ERH: variants seen among roughly 807,000 people sequenced by gnomAD.
ERH encodes enhancer of rudimentary homolog.
Under a neutral mutation model 16.8 loss-of-function variants are expected in ERH, and 1 was observed. The ratio of observed to expected loss-of-function variants is 0.06; its 90% confidence interval spans 0.02 to 0.28. The LOEUF is 0.28. Ranked by LOEUF, ERH falls within the 10% of genes least tolerant of loss-of-function variation. ERH has a pLI of 1.00. For synonymous variants in ERH, 43 were observed against 43.6 expected (o/e 0.99, Z 0.05); for missense variants, 42 against 127.5 (o/e 0.33, Z 3.23).
intron 2 of ERH, among the ~76,000 whole-genome samples, chr14:69,387,888 T>C (rs2045901841): frequency 6.6e-6 from 1 of 151,388 alleles, no homozygotes; most frequent in African/African-American, 2.4e-5. Flanking sequence ...ACTAAAAAAA[T>C]ACAAAAAATT....
chr14:69,397,805 C>A (rs556764824), intron 1 of ERH, among the ~76,000 whole-genome samples: 1 of 152,286 alleles, frequency 6.6e-6, no homozygotes, highest in Non-Finnish European at 1.5e-5. Flanking sequence ...GTAATCCCAG[C>A]TACTAGGGAG....
Position 69,380,476 on chromosome 14 carries a change from C to T in ERH, c.*62G>A, listed in dbSNP as rs1236142793. On this transcript the variant is annotated 3_prime_UTR_variant, in exon 4 of 4. Coordinates refer to ENST00000557016, the MANE Select transcript of ERH (RefSeq NM_004450.3). ...TTACTATGATACAAAACTTCCACTA[C>T]AGCACGCTGTACACACCTGTGTTCC... 1.9e-5 allele frequency: 17 copies of T among 908,830 alleles called. No individual in the cohort carries two copies. The East Asian group carries it at 3.9e-4, about 21-fold the overall frequency. The allele number at this position is 908,830 out of a possible 1,614,324, so 56.3% of individuals were successfully genotyped here.
At chr14:69,394,611 T>TAAAC (rs3047542) in intron 2 of ERH, among the ~76,000 whole-genome samples, 68,467 of 151,744 alleles carry the variant, frequency 0.45, 15,604 homozygotes, top group Middle Eastern at 0.59. Flanking sequence ...AATACATAAA[T>TAAAC]AAACAAACAA....
chr14:69,396,775 A>G (rs868406851), intron 1 of ERH, among the ~76,000 whole-genome samples: 21 of 152,366 alleles, frequency 1.4e-4, no homozygotes, highest in Middle Eastern at 3.4e-3. Context: ...ACGAAGGATT[A>G]ACTCTCACCT....
intron 2 of ERH, among the ~76,000 whole-genome samples, chr14:69,389,322 C>T (rs900084675): frequency 6.6e-6 from 1 of 152,164 alleles, no homozygotes; most frequent in South Asian, 2.1e-4. Context: ...CCACCATGCC[C>T]GGCCTCCATT....
rs192880678 is a variant in ERH, at chr14:69,387,971, G to A, written c.92-888C>T. Among the ~76,000 whole-genome samples the A allele has an allele frequency of 1.2e-3, 177 of 152,302 alleles. 2 individuals are homozygous for A. The highest frequency in any genetic ancestry group is 3.8e-3 in the African/African-American group (160 of 41,578). ...TGAAGCAGGAGAATGGCATGAACCT[G>A]GGAGGTGGAGATTGCAGTGAGCCGA... On this transcript the variant is annotated intron_variant, in intron 2 of 3. Coordinates refer to ENST00000557016, the MANE Select transcript of ERH (RefSeq NM_004450.3).
chr14:69,390,709 A>C (rs1169445287), intron 2 of ERH, among the ~76,000 whole-genome samples: 1 of 152,264 alleles, frequency 6.6e-6, no homozygotes, highest in African/African-American at 2.4e-5. Context: ...GCTCCAAAAG[A>C]CACTATTAAG....
intron 2 of ERH, among the ~76,000 whole-genome samples, chr14:69,389,067 C>A (rs754279703): frequency 1.1e-4 from 17 of 152,198 alleles, no homozygotes; most frequent in Admixed American, 2.0e-4. Context: ...GTTGCCCAGG[C>A]TGGAGTGCAT....
intron 2 of ERH, among the ~76,000 whole-genome samples, chr14:69,388,382 T>A (rs994559719): frequency 6.6e-6 from 1 of 151,866 alleles, no homozygotes; most frequent in Non-Finnish European, 1.5e-5. Context: ...TTCTTTGAGA[T>A]GGAGTTTTGC....
intron 1 of ERH, 69 bp from the exon 2 acceptor site, chr14:69,394,981 C>G: frequency 8.9e-7 from 1 of 1,126,180 alleles, no homozygotes; most frequent in Non-Finnish European, 1.3e-6. Flanking sequence ...AAAAAAAAAT[C>G]CCCATTTGTA....
chr14:69,398,288 C>T lies in ERH; in HGVS notation c.-55G>A. ...GCCGACACCGCCGCCGTTACACGAG[C>T]TTAACTACAACGCCGCTAACAGCCA... On this transcript the variant is annotated 5_prime_UTR_variant, in exon 1 of 4. Transcript: ENST00000557016. The T allele has an allele frequency of 7.4e-6, 12 of 1,613,296 alleles. No individual in the cohort carries two copies. Among genetic ancestry groups the T allele is most frequent in the Non-Finnish European group, 1.0e-5 (12 of 1,179,674 alleles).
chr14:69,383,790 A>C (rs1250489583), intron 3 of ERH, among the ~76,000 whole-genome samples: 2 of 152,302 alleles, frequency 1.3e-5, no homozygotes, highest in East Asian at 1.9e-4. Flanking sequence ...TGTTGCTTTA[A>C]TATAGCAAAT....
intron 3 of ERH, among the ~76,000 whole-genome samples, chr14:69,382,807 A>C (rs1248225917): frequency 4.6e-5 from 7 of 151,998 alleles, no homozygotes; most frequent in African/African-American, 1.7e-4. Context: ...AAAAAAAAAA[A>C]AAGCAATAAT....
intron 1 of ERH, among the ~76,000 whole-genome samples, chr14:69,397,080 T>C (rs1806860022): frequency 6.6e-6 from 1 of 152,236 alleles, no homozygotes; most frequent in Non-Finnish European, 1.5e-5. Flanking sequence ...TGTTGCTTTT[T>C]ATATCTAGTC....
intron 3 of ERH, among the ~76,000 whole-genome samples, chr14:69,382,207 T>C (rs893934061): frequency 2.0e-5 from 3 of 152,192 alleles, no homozygotes; most frequent in African/African-American, 4.8e-5. Flanking sequence ...CTCTGAACAG[T>C]AAGGTCACAA....
chr14:69,389,150 C>T (rs893087018), intron 2 of ERH, among the ~76,000 whole-genome samples: 10 of 152,056 alleles, frequency 6.6e-5, no homozygotes, highest in African/African-American at 9.7e-5. Context: ...GCTCAGCCTC[C>T]CGAGTAGCTG....
chr14:69,391,879 T>C (rs966067595), intron 2 of ERH, among the ~76,000 whole-genome samples: 9 of 152,070 alleles, frequency 5.9e-5, no homozygotes, highest in East Asian at 1.9e-4. Context: ...TAAAGGTAGA[T>C]ACACGTAATT....
At chr14:69,381,104 A>G (rs572133028) in intron 3 of ERH, among the ~76,000 whole-genome samples, 195 of 152,346 alleles carry the variant, frequency 1.3e-3, no homozygotes, top group Non-Finnish European at 1.3e-3. Context: ...CAACATGGTG[A>G]AACCTTGTCT....
intron 1 of ERH, among the ~76,000 whole-genome samples, chr14:69,397,042 G>A (rs964601320): frequency 2.6e-5 from 4 of 152,172 alleles, no homozygotes; most frequent in African/African-American, 9.7e-5. Context: ...TAATTTGAAA[G>A]GGTAAGAATG....
Sources: allele counts gnomAD v4.1 joint callset (sites outside exome capture counted in the v4.1 genomes callset), GRCh38; gene constraint gnomAD v4.1.1; transcripts MANE v1.5; gene names NCBI Gene and HGNC (gene_info 2026-07-23, HGNC 2026-07-21).